Variants in TMPRSS9 observed in about 807,000 individuals in gnomAD.
The protein encoded by TMPRSS9 is transmembrane protease serine 9.
TMPRSS9 carries 113 observed loss-of-function variants against 111.4 expected under a neutral mutation model. The observed-to-expected ratio is 1.01, with a 90% CI of 0.87 to 1.19. The LOEUF (loss-of-function observed/expected upper bound fraction) is 1.19, where lower values mean the gene tolerates loss of function less well. Among genes scored for constraint, TMPRSS9 ranks in the 50% most tolerant of loss-of-function variants. TMPRSS9 has a pLI of 0.00. For synonymous variants in TMPRSS9, 805 were observed against 659.1 expected, an observed-to-expected ratio of 1.22 and a Z score of -3.39; for missense variants, 1,803 against 1,513.1, an observed-to-expected ratio of 1.19 and a Z score of -3.18.
At chr19:2,384,644 TCTCTA>T (rs1970435884) in intron 1 of TMPRSS9, among the ~76,000 whole-genome samples, 1 of 151,056 alleles carries the variant, frequency 6.6e-6, no homozygotes, top group South Asian at 2.1e-4. Context: ...TGAAACCCCG[TCTCTA>T]CTAAAAATAC....
chr19:2,424,524 G>A lies in TMPRSS9; in HGVS notation c.2717+267G>A, dbSNP rs564215132. ...CTACCCCGCGGTCCCCACCTAACCC[G>A]GAAGCTGCGGCCCCCCCCCTCCAGC... On this transcript the variant is annotated intron_variant, in intron 15 of 17. Transcript: ENST00000648592. Among the ~76,000 whole-genome samples, 1,119 of 140,474 alleles carry A rather than the reference G, an allele frequency of 8.0e-3. 18 individuals carry two copies. The highest frequency in any genetic ancestry group is 0.029 in the African/African-American group (1,019 of 35,364). The allele number at this position is 140,474 out of a possible 152,430, so 92.2% of individuals were successfully genotyped here.
At chr19:2,399,759 C>T (rs917921152) in intron 4 of TMPRSS9, among the ~76,000 whole-genome samples, 1 of 151,892 alleles carries the variant, frequency 6.6e-6, no homozygotes, top group Non-Finnish European at 1.5e-5. Context: ...ACTCTGTTGC[C>T]CAGTCTGGAG....
At chr19:2,392,177 C>A (rs1970612507) in intron 1 of TMPRSS9, among the ~76,000 whole-genome samples, 1 of 151,310 alleles carries the variant, frequency 6.6e-6, no homozygotes, top group Non-Finnish European at 1.5e-5. Context: ...AGCAAGACCC[C>A]ATCTCTACAA....
chr19:2,410,355 G>A (rs1971069459), exon 9 of TMPRSS9: 1 of 1,614,070 alleles, frequency 6.2e-7, no homozygotes, highest in Non-Finnish European at 8.5e-7. Flanking sequence ...ACAGGATGGT[G>A]TGCGCTGGCT....
intron 13 of TMPRSS9, among the ~76,000 whole-genome samples, chr19:2,421,572 C>A (rs1488533811): frequency 1.3e-5 from 2 of 152,104 alleles, no homozygotes; most frequent in Non-Finnish European, 2.9e-5. Context: ...CAGGCGTGAG[C>A]CACCACGCCT....
intron 2 of TMPRSS9, among the ~76,000 whole-genome samples, chr19:2,397,028 C>G (rs769309799): frequency 2.6e-5 from 4 of 151,596 alleles, no homozygotes; most frequent in African/African-American, 4.8e-5. Flanking sequence ...TCAAGCGATT[C>G]TCCTGCCTCA....
At chr19:2,380,928 A>G (rs896077787) in intron 1 of TMPRSS9, among the ~76,000 whole-genome samples, 2 of 152,024 alleles carry the variant, frequency 1.3e-5, no homozygotes, top group African/African-American at 2.4e-5. Context: ...CTCAATTCCT[A>G]TTTATCCTTC....
chr19:2,424,169 A>G (rs749427549), exon 15 of TMPRSS9: 1 of 1,465,026 alleles, frequency 6.8e-7, no homozygotes, highest in Non-Finnish European at 9.1e-7. Flanking sequence ...GTGGCAGGTG[A>G]GCCTGTGGCT....
chr19:2,393,852 C>A (rs562024565), intron 1 of TMPRSS9, among the ~76,000 whole-genome samples: 27 of 134,536 alleles, frequency 2.0e-4, no homozygotes, highest in African/African-American at 7.2e-4. Context: ...GAGCCGAGAT[C>A]ATGCCACTGC....
chr19:2,384,460 G>A (rs977094620), intron 1 of TMPRSS9, among the ~76,000 whole-genome samples: 1 of 152,212 alleles, frequency 6.6e-6, no homozygotes, highest in Non-Finnish European at 1.5e-5. Context: ...CAGATCACCC[G>A]GGGTCAGGAA....
At chr19:2,367,500 T>C (rs932674321) in intron 1 of TMPRSS9, among the ~76,000 whole-genome samples, 2 of 152,030 alleles carry the variant, frequency 1.3e-5, no homozygotes, top group African/African-American at 4.8e-5. Context: ...GTTCAAGTGA[T>C]TCTCCTGCCT....
rs374632477 is a variant in TMPRSS9 at position 2,403,197 on chromosome 19, T to G, written c.670+2T>G. The G allele has an allele frequency of 3.4e-5, 55 of 1,601,490 alleles. No individual in the cohort carries two copies. Among genetic ancestry groups the G allele is most frequent in the Non-Finnish European group, 4.7e-5 (55 of 1,175,062 alleles). On this transcript the variant is annotated splice_donor_variant, in intron 6 of 17. Coordinates refer to ENST00000648592, the Ensembl canonical transcript of TMPRSS9. LOFTEE classifies it high-confidence loss of function. ...ATGGGTCCGACGAGGCGCACTGCGGTCAGTCTGCCTGTCTGGCCTGGTCTC... is the reference window on the plus strand; with the variant it reads ...ATGGGTCCGACGAGGCGCACTGCGGGCAGTCTGCCTGTCTGGCCTGGTCTC...
chr19:2,417,603 A>G (rs551623663), intron 12 of TMPRSS9, among the ~76,000 whole-genome samples: 3 of 151,816 alleles, frequency 2.0e-5, no homozygotes, highest in Non-Finnish European at 4.4e-5. Flanking sequence ...AGCCATGATC[A>G]TGCCACTGCA....
At chr19:2,368,787 T>TTTTTTTTTTTG (rs1568465406) in intron 1 of TMPRSS9, among the ~76,000 whole-genome samples, 2 of 111,380 alleles carry the variant, frequency 1.8e-5, no homozygotes, top group African/African-American at 9.3e-5. Flanking sequence ...TTTTTTTTTT[T>TTTTTTTTTTTG]TTTTTTTTTT....
exon 17 of TMPRSS9, chr19:2,425,446 C>A: frequency 6.3e-7 from 1 of 1,591,902 alleles, no homozygotes; most frequent in Non-Finnish European, 8.5e-7. Context: ...GATCAGCAGC[C>A]GCATGCTGTG....
intron 1 of TMPRSS9, 135 bp downstream of exon 2, chr19:2,390,062 T>TA: frequency 1.7e-6 from 2 of 1,175,798 alleles, no homozygotes; most frequent in Non-Finnish European, 2.4e-6. Context: ...AAGGCTGCCC[T>TA]AGGCCAGGCG....
chr19:2,361,528 G>A (rs1410430430), intron 1 of TMPRSS9, among the ~76,000 whole-genome samples: 2 of 152,106 alleles, frequency 1.3e-5, no homozygotes, highest in Non-Finnish European at 2.9e-5. Flanking sequence ...GATGGGGTGG[G>A]TTGTTGGTAT....
At chr19:2,426,040 C>G (rs759515840) in exon 18 of TMPRSS9, 4 of 1,609,486 alleles carry the variant, frequency 2.5e-6, no homozygotes, top group Non-Finnish European at 3.4e-6. Flanking sequence ...GTGTCTATAC[C>G]CGGGTGGCAG....
At chr19:2,363,994 A>G (rs1002904342) in intron 1 of TMPRSS9, among the ~76,000 whole-genome samples, 1 of 151,852 alleles carries the variant, frequency 6.6e-6, no homozygotes, top group Admixed American at 6.6e-5. Context: ...TGAGCCCTAC[A>G]CCAACAGGAC....
Sources: allele counts gnomAD v4.1 joint callset (sites outside exome capture counted in the v4.1 genomes callset), GRCh38; gene constraint gnomAD v4.1.1; transcripts MANE v1.5; gene names NCBI Gene and HGNC (gene_info 2026-07-23, HGNC 2026-07-21).